TDRD9: variants seen among roughly 807,000 people sequenced by gnomAD.
TDRD9 encodes ATP-dependent RNA helicase TDRD9.
In TDRD9, 124 loss-of-function variants were observed where a neutral mutation model predicts 172.6. The ratio of observed to expected loss-of-function variants is 0.72; its 90% CI spans 0.62 to 0.83. TDRD9 has a LOEUF of 0.83. Ranked by LOEUF, TDRD9 falls within the 40% of genes least tolerant of loss-of-function variation. The pLI is 0.00. For missense variants in TDRD9, 1,479 were observed against 1,714.1 expected, an observed-to-expected ratio of 0.86 and a Z score of 2.42; for synonymous variants, 619 against 617.1, an observed-to-expected ratio of 1.00 and a Z score of -0.05.
chr14:104,048,595 A>G (rs1448438613), intron 34 of TDRD9, among the ~76,000 whole-genome samples: 1 of 152,180 alleles, frequency 6.6e-6, no homozygotes, highest in East Asian at 1.9e-4. Flanking sequence ...AAGTTCAGGC[A>G]CTTTTTGATT....
chr14:104,009,320 A>T (rs1332336139), intron 20 of TDRD9, among the ~76,000 whole-genome samples: 4 of 152,260 alleles, frequency 2.6e-5, no homozygotes, highest in African/African-American at 9.6e-5. Context: ...GAGCAGTTTC[A>T]TCCTGAAACC....
chr14:104,005,433 T>C (rs149502502), intron 15 of TDRD9, 28 bp downstream of exon 15: 1 of 1,613,438 alleles, frequency 6.2e-7, no homozygotes, highest in East Asian at 2.2e-5. Flanking sequence ...TTAGTACTGT[T>C]GGCATCTGTA....
chr14:104,042,870 G>A (rs760098193), intron 34 of TDRD9, among the ~76,000 whole-genome samples: 2 of 152,064 alleles, frequency 1.3e-5, no homozygotes, highest in Admixed American at 6.5e-5. Flanking sequence ...CTGGTATCAC[G>A]GTGACACTTC....
chr14:104,030,501 GAACA>G (rs1249674489), intron 28 of TDRD9, among the ~76,000 whole-genome samples: 1 of 152,034 alleles, frequency 6.6e-6, no homozygotes, highest in Non-Finnish European at 1.5e-5. Flanking sequence ...CAAAGCAAAC[GAACA>G]AACAAAAACC....
At chr14:103,928,975 T>C (rs1225274663) in intron 1 of TDRD9, 6 of 204,014 alleles carry the variant, frequency 2.9e-5, no homozygotes, top group Non-Finnish European at 5.9e-5. Context: ...GACTAGTTTT[T>C]GAGGCACTCA....
intron 1 of TDRD9, among the ~76,000 whole-genome samples, chr14:103,937,826 C>T (rs1023583789): frequency 6.6e-6 from 1 of 150,814 alleles, no homozygotes; most frequent in African/African-American, 2.5e-5. Flanking sequence ...AAAAAATTCT[C>T]TATGACTTTG....
At position 103,928,523 on chromosome 14, in the gene TDRD9, T is replaced by G; in HGVS notation, c.14T>G (p.Leu5Arg). MLRK[L>R]TIEQINDWFT... is the part of the protein sequence containing the mutation. ...TGGGCCTTGAGGATGCTGCGGAAGC[T>G]CACCATCGAGCAGATCAACGACTGG... is the stretch of plus-strand genomic sequence containing the variant. The change falls in exon 1 of 36, where the codon CTC (leucine) becomes CGC (arginine). Residue 5 changes from leucine (L) to arginine (R), a missense_variant. Coordinates refer to ENST00000409874, the MANE Select transcript of TDRD9 (RefSeq NM_153046.3). 3 of 1,422,488 alleles carry G rather than the reference T, an allele frequency of 2.1e-6. No individual in the cohort carries two copies. Among genetic ancestry groups the G allele is most frequent in the Non-Finnish European group, 2.8e-6 (3 of 1,077,662 alleles). 88.1% of individuals were successfully genotyped at this position (1,422,488 alleles called of 1,614,324 possible).
chr14:104,010,569 C>CTTT (rs147141939), intron 20 of TDRD9, among the ~76,000 whole-genome samples: 5 of 134,842 alleles, frequency 3.7e-5, no homozygotes, highest in African/African-American at 1.4e-4. Flanking sequence ...TGTTTGTTTC[C>CTTT]TTTTTTTTTT....
chr14:104,017,733 C>T (rs958860411), intron 22 of TDRD9, among the ~76,000 whole-genome samples: 2 of 152,168 alleles, frequency 1.3e-5, no homozygotes, highest in African/African-American at 4.8e-5. Flanking sequence ...AGACATTTTC[C>T]TTTAAAGTTT....
At chr14:104,027,909 AT>A (rs955810299) in intron 28 of TDRD9, among the ~76,000 whole-genome samples, 18 of 150,832 alleles carry the variant, frequency 1.2e-4, no homozygotes, top group Admixed American at 2.0e-4. Context: ...CATTATTTCA[AT>A]TTTTTTTTAG....
rs58352158 is a variant in TDRD9, at chr14:103,986,841, C to T, written c.1115+521C>T. Among the ~76,000 whole-genome samples the T allele has an allele frequency of 1.5e-3, 231 of 152,180 alleles. 2 individuals carry two copies. The highest frequency in any genetic ancestry group is 5.3e-3 in the African/African-American group (220 of 41,530). On this transcript the variant is annotated intron_variant, in intron 8 of 35. Transcript: ENST00000409874. Reference sequence around the variant, plus strand: ...TTATAATTTTAAAAATATGGCTGGGCGCGGTGGCTCATGCCTGTAATCCCA... The same window carrying T: ...TTATAATTTTAAAAATATGGCTGGGTGCGGTGGCTCATGCCTGTAATCCCA...
intron 7 of TDRD9, among the ~76,000 whole-genome samples, chr14:103,976,960 G>A (rs777562669): frequency 7.9e-5 from 12 of 151,952 alleles, no homozygotes; most frequent in Admixed American, 3.3e-4. Flanking sequence ...GGGCTCAAGC[G>A]GTCCTCCTGC....
At chr14:103,953,301 C>T (rs1218530204) in intron 1 of TDRD9, among the ~76,000 whole-genome samples, 1 of 152,122 alleles carries the variant, frequency 6.6e-6, no homozygotes, top group East Asian at 1.9e-4. Context: ...GTGGGAGCCA[C>T]CCAGGCATCT....
At chr14:103,941,680 A>G (rs1157332580) in intron 1 of TDRD9, 2 of 1,514,062 alleles carry the variant, frequency 1.3e-6, no homozygotes, top group Non-Finnish European at 1.8e-6. Context: ...CATTTCATCC[A>G]GCCAAAAAGT....
At chr14:103,950,057 C>CAA (rs1157800414) in intron 1 of TDRD9, among the ~76,000 whole-genome samples, 1 of 104,994 alleles carries the variant, frequency 9.5e-6, no homozygotes, top group Non-Finnish European at 2.0e-5. Context: ...TTTTTTTTTT[C>CAA]TTTTGATGGG....
chr14:104,026,567 T>G, intron 27 of TDRD9, 112 bp from the exon 28 acceptor site: 1 of 1,302,170 alleles, frequency 7.7e-7, no homozygotes, highest in Non-Finnish European at 1.1e-6. Flanking sequence ...ATTGGGACTT[T>G]TATGAGAATA....
At chr14:103,996,055 C>T (rs1039069983) in intron 12 of TDRD9, among the ~76,000 whole-genome samples, 1 of 152,178 alleles carries the variant, frequency 6.6e-6, no homozygotes, top group Non-Finnish European at 1.5e-5. Context: ...TTCCACTGGG[C>T]CTTGTGGGAA....
At chr14:103,995,097 A>G (rs1213333336) in intron 11 of TDRD9, among the ~76,000 whole-genome samples, 1 of 152,208 alleles carries the variant, frequency 6.6e-6, no homozygotes, top group African/African-American at 2.4e-5. Context: ...CTAAAAAGCT[A>G]AGATTTTTTG....
intron 13 of TDRD9, among the ~76,000 whole-genome samples, chr14:104,001,992 G>GT (rs1298972225): frequency 1.3e-5 from 2 of 151,010 alleles, no homozygotes; most frequent in Admixed American, 6.6e-5. Context: ...TGTGAGATCT[G>GT]TTTTTTCCGT....
Sources: allele counts gnomAD v4.1 joint callset (sites outside exome capture counted in the v4.1 genomes callset), GRCh38; gene constraint gnomAD v4.1.1; transcripts MANE v1.5; gene names NCBI Gene and HGNC (gene_info 2026-07-23, HGNC 2026-07-21).